Variants in RGS19 observed in about 807,000 individuals in gnomAD.
RGS19 encodes regulator of G protein signaling 19, also known as G alpha interacting protein.
Under a neutral mutation model 22.0 loss-of-function variants are expected in RGS19, and 9 were observed. The observed-to-expected ratio is 0.41, with a 90% CI of 0.25 to 0.71. The LOEUF is 0.71. Among genes scored for constraint, RGS19 ranks in the 30% least tolerant of loss-of-function variants. The probability of loss-of-function intolerance (pLI) is 0.32; values close to 1 mark genes in which losing one functional copy is unlikely to be tolerated. For synonymous variants in RGS19, 130 were observed against 127.3 expected (o/e 1.02, Z -0.14); for missense variants, 256 against 307.1 (o/e 0.83, Z 1.24).
chr20:64,074,448 A>G lies in RGS19; in HGVS notation c.227+19T>C. ...TCTGGGGCCCCCCCAGCACGCACAC[A>G]CCAGCCGGCTGGACTCACCATACTT... is the stretch of plus-strand genomic sequence containing the variant. On this transcript the variant is annotated intron_variant, in intron 4 of 5. Transcript: ENST00000395042. 6.3e-7 allele frequency: 1 copy of G among 1,579,654 alleles called. No homozygotes were observed. The highest frequency in any genetic ancestry group is 1.7e-4 in the Middle Eastern group (1 of 6,014).
Position 64,076,570 on chromosome 20 carries a change from C to T in RGS19, c.107G>A (p.Arg36His), listed in dbSNP as rs748194478. The T allele has an allele frequency of 1.2e-5, 20 of 1,612,642 alleles. No individual in the cohort carries two copies. Among genetic ancestry groups the T allele is most frequent in the Non-Finnish European group, 1.6e-5 (19 of 1,179,816 alleles). Residue 36 changes from arginine to histidine, a missense_variant, in exon 3 of 6, where the codon CGC (arginine) becomes CAC (histidine). Arg to His is a conservative substitution (Grantham distance 29, BLOSUM62 0). Transcript: ENST00000395042. ...HDTASPAAPS[R>H]NPCCLCWCCC... is the part of the protein sequence containing the mutation. ...GCACCAGCACAGGCAGCAGGGGTTGCGGCTGGGGGCCGCTGGAGAGGCTGT... is the reference window on the plus strand; with the variant it reads ...GCACCAGCACAGGCAGCAGGGGTTGTGGCTGGGGGCCGCTGGAGAGGCTGT...
In RGS19 at chr20:64,074,213, G is replaced by C; in HGVS notation, c.393C>G (p.Asn131Lys). Residue 131 changes from asparagine (N) to lysine (K), a missense_variant, in exon 5 of 6, where the codon AAC becomes AAG. By Grantham distance (94) the Asn-to-Lys change is moderately conservative (BLOSUM62 0). Coordinates refer to ENST00000395042, the MANE Select transcript of RGS19 (RefSeq NM_005873.3). Reference sequence around the variant, plus strand: ...TCGCCTTCTCGTCTACCACATGCTGGTTGGCCTCGGCCTTCAGCTCCTCGC... The same window carrying C: ...TCGCCTTCTCGTCTACCACATGCTGCTTGGCCTCGGCCTTCAGCTCCTCGC... Reference protein sequence around the residue: ...LACEELKAEANQHVVDEKARL... With the variant: ...LACEELKAEAKQHVVDEKARL... The C allele has an allele frequency of 1.2e-6, 2 of 1,614,048 alleles. No individual in the cohort carries two copies. The highest frequency in any genetic ancestry group is 1.7e-6 in the Non-Finnish European group (2 of 1,180,012).
Position 64,074,431 on chromosome 20 carries a change from C to A in RGS19, c.227+36G>T, listed in dbSNP as rs111664249. 8 of 1,573,314 alleles carry A rather than the reference C, an allele frequency of 5.1e-6. No homozygotes were observed. In the African/African-American group the frequency reaches 9.4e-5, roughly 19 times the overall value. On this transcript the variant is annotated intron_variant, in intron 4 of 5. Coordinates refer to ENST00000395042, the MANE Select transcript of RGS19 (RefSeq NM_005873.3). ...AGGCCCGAGTCTCCCGGTCTGGGGC[C>A]CCCCCAGCACGCACACACCAGCCGG...
intron 3 of RGS19, among the ~76,000 whole-genome samples, chr20:64,076,222 T>C (rs975588637): frequency 6.6e-6 from 1 of 152,244 alleles, no homozygotes; most frequent in Admixed American, 6.5e-5. Context: ...GGGCCTAGCC[T>C]GGGCTGGCTC....
Position 64,076,667 on chromosome 20 carries a change from C to T in RGS19, c.31-21G>A, listed in dbSNP as rs1467133156. On this transcript the variant is annotated intron_variant, in intron 2 of 5. Coordinates refer to ENST00000395042, the MANE Select transcript of RGS19 (RefSeq NM_005873.3). Reference sequence around the variant, plus strand: ...GTGATCTGGGGAAAAGTGGGGCTACCTCAGCTTTCAGGTCAGAACCCACCA... The same window carrying T: ...GTGATCTGGGGAAAAGTGGGGCTACTTCAGCTTTCAGGTCAGAACCCACCA... 3 of 1,588,936 alleles carry T rather than the reference C, an allele frequency of 1.9e-6. No homozygotes were observed. The South Asian group carries it at 3.4e-5, about 18-fold the overall frequency.
intron 1 of RGS19, among the ~76,000 whole-genome samples, chr20:64,078,747 C>G (rs1053613798): frequency 1.4e-4 from 21 of 152,298 alleles, no homozygotes; most frequent in African/African-American, 4.8e-4. Flanking sequence ...CCCCCCGTCT[C>G]TCCTGGGGGA....
rs377115039 is a variant in RGS19 at position 64,076,571 on chromosome 20, G to C, written c.106C>G (p.Arg36Gly). ...HDTASPAAPS[R>G]NPCCLCWCCC... ...CACCAGCACAGGCAGCAGGGGTTGC[G>C]GCTGGGGGCCGCTGGAGAGGCTGTA... is the stretch of plus-strand genomic sequence containing the variant. The change falls in exon 3 of 6, where the codon CGC (arginine) becomes GGC (glycine). Residue 36 changes from arginine (R) to glycine (G), a missense_variant. Arg to Gly is a moderately radical substitution (Grantham distance 125). Coordinates refer to ENST00000395042, the MANE Select transcript of RGS19 (RefSeq NM_005873.3). 16 of 1,612,710 alleles carry C rather than the reference G, an allele frequency of 9.9e-6. No individual in the cohort carries two copies. The highest frequency in any genetic ancestry group is 1.3e-5 in the African/African-American group (1 of 74,946).
intron 1 of RGS19, among the ~76,000 whole-genome samples, chr20:64,077,921 G>A (rs12625329): frequency 0.44 from 66,999 of 152,056 alleles, 15,270 homozygotes; most frequent in East Asian, 0.67. Context: ...GAACACCTGC[G>A]CCCACTTCTG....
chr20:64,076,901 G>A lies in RGS19; in HGVS notation c.-15C>T. ...GGGGTGGGCATGGGTGGGCGGAGGA[G>A]GTTGCCCAGGCTCCGTGGTACCAGC... On this transcript the variant is annotated 5_prime_UTR_variant, in exon 2 of 6. Transcript: ENST00000395042. 1.3e-6 allele frequency: 2 copies of A among 1,519,268 alleles called. No homozygotes were observed. The highest frequency in any genetic ancestry group is 1.8e-6 in the Non-Finnish European group (2 of 1,138,890). The allele number at this position is 1,519,268 out of a possible 1,614,324, so 94.1% of individuals were successfully genotyped here. A position where few individuals can be genotyped will look rare whatever the true frequency, so the allele number is the denominator to read the frequency against.
Position 64,074,464 on chromosome 20 carries a change from C to T in RGS19, c.227+3G>A. On this transcript the variant is annotated splice_donor_region_variant and intron_variant, in intron 4 of 5. Transcript: ENST00000395042. ...CACGCACACACCAGCCGGCTGGACT[C>T]ACCATACTTCACAGCTGGGGAGGGG... 2.5e-6 allele frequency: 4 copies of T among 1,584,872 alleles called. No individual in the cohort carries two copies. Among genetic ancestry groups the T allele is most frequent in the South Asian group, 2.3e-5 (2 of 87,554 alleles).
Position 64,076,877 on chromosome 20 carries a change from G to T in RGS19, c.10C>A (p.Pro4Thr), listed in dbSNP as rs2145544160. The change falls in exon 2 of 6, where the codon CCG becomes ACG. Residue 4 changes from proline to threonine, a missense_variant. Transcript: ENST00000395042. Reference protein sequence around the residue: MPTPHEAEKQITGP... With the variant: MPTTHEAEKQITGP... ...CATACCTGCTTCTCAGCCTCATGCG[G>T]GGTGGGCATGGGTGGGCGGAGGAGG... 2 of 1,537,554 alleles carry T rather than the reference G, an allele frequency of 1.3e-6. No individual in the cohort carries two copies. Among genetic ancestry groups the T allele is most frequent in the South Asian group, 1.3e-5 (1 of 79,908 alleles).
chr20:64,078,464 C>G (rs1307743272), intron 1 of RGS19, among the ~76,000 whole-genome samples: 3 of 152,216 alleles, frequency 2.0e-5, no homozygotes, highest in Non-Finnish European at 4.4e-5. Flanking sequence ...GCAGTTCTTC[C>G]TCCTCTCTGT....
rs62218096 is a variant in RGS19, at chr20:64,075,904, G to T, written c.152+621C>A. Among the ~76,000 whole-genome samples the T allele has an allele frequency of 6.7e-6, 1 of 149,658 alleles. No individual in the cohort carries two copies. Among genetic ancestry groups the T allele is most frequent in the Non-Finnish European group, 1.5e-5 (1 of 67,478 alleles). On this transcript the variant is annotated intron_variant, in intron 3 of 5. Transcript: ENST00000395042. This position sits in a 1 kb window ranked among gnomAD's most constrained non-coding sequence, Gnocchi z 4.6. ...TTCTTTCTTTTTTTTTTTTTGAGAC[G>T]GAGTTTTGCTCTTGTTGCCCAGGCT...
intron 1 of RGS19, among the ~76,000 whole-genome samples, chr20:64,077,214 G>A (rs1275454968): frequency 2.0e-5 from 3 of 152,240 alleles, no homozygotes; most frequent in Non-Finnish European, 2.9e-5. Context: ...TGGAGGTTCC[G>A]AGACACCCCC....
intron 1 of RGS19, among the ~76,000 whole-genome samples, chr20:64,078,730 C>G (rs949333878): frequency 6.6e-6 from 1 of 152,174 alleles, no homozygotes; most frequent in Non-Finnish European, 1.5e-5. Context: ...TGTCCCCAGG[C>G]TACCCTCCCC....
intron 5 of RGS19, 31 bp downstream of exon 5, chr20:64,074,113 G>A (rs1379372830): frequency 7.5e-6 from 12 of 1,603,882 alleles, no homozygotes; most frequent in South Asian, 1.1e-5. Flanking sequence ...TGGAGCAGGC[G>A]GCCCCCGGCC....
In RGS19 at chr20:64,075,109, CCTGGGAACAGGGCCACCCATGGGAAT is replaced by C. The variant is rs2059894869; in HGVS notation, c.153-594_153-569del. Among the ~76,000 whole-genome samples the C allele has an allele frequency of 6.6e-6, 1 of 151,590 alleles. No individual in the cohort carries two copies. Among genetic ancestry groups the C allele is most frequent in the Non-Finnish European group, 1.5e-5 (1 of 67,918 alleles). ...GAACAGGGCCACCCATGGGAATGTG[CCTGGGAACAGGGCCACCCATGGGAAT>C]GTGCCTGGGAACAGGGCCACCCATG... On this transcript the variant is annotated intron_variant, in intron 3 of 5. Coordinates refer to ENST00000395042, the MANE Select transcript of RGS19 (RefSeq NM_005873.3). The surrounding 1 kb of genome is among the most constrained non-coding windows in gnomAD (Gnocchi z 4.6).
In RGS19 at chr20:64,075,181, G is replaced by A. The variant is rs1051844541; in HGVS notation, c.153-640C>T. 2.8e-5 allele frequency among the ~76,000 whole-genome samples: 4 copies of A among 144,754 alleles called. No individual in the cohort carries two copies. The highest frequency in any genetic ancestry group is 1.0e-4 in the African/African-American group (4 of 39,386). The allele number at this position is 144,754 out of a possible 152,430, so 95.0% of individuals were successfully genotyped here. The stretch of plus-strand genomic sequence containing the variant: ...CCATGGGAATGTGCCTGGGAACAGG[G>A]CCACCCTGCTCCTGGGCCTGATCTT... On this transcript the variant is annotated intron_variant, in intron 3 of 5. Transcript: ENST00000395042. This position sits in a 1 kb window ranked among gnomAD's most constrained non-coding sequence, Gnocchi z 4.6.
rs2059936874 is a variant in RGS19, at chr20:64,079,161, G to A, written c.-69+133C>T. 6.6e-6 allele frequency: 1 copy of A among 152,090 alleles called. No individual in the cohort carries two copies. Among genetic ancestry groups the A allele is most frequent in the African/African-American group, 2.4e-5 (1 of 41,394 alleles). 9.4% of individuals were successfully genotyped at this position (152,090 alleles called of 1,614,324 possible). A position where few individuals can be genotyped will look rare whatever the true frequency, so the allele number is the denominator to read the frequency against. ...GCCAGCTCTCCCCACCTCTGAAATG[G>A]TGGTGGTGGCCCACCCACCACGCTC... is the stretch of plus-strand genomic sequence containing the variant. On this transcript the variant is annotated intron_variant, in intron 1 of 5. Transcript: ENST00000395042. The surrounding 1 kb of genome is among the most constrained non-coding windows in gnomAD (Gnocchi z 5.1).
Sources: gnomAD v4.1 joint callset for allele counts (sites outside exome capture counted in the v4.1 genomes callset) on GRCh38, gnomAD v4.1.1 for gene constraint, Gnocchi (gnomAD v3.1) non-coding constraint, MANE v1.5 for transcripts, NCBI Gene and HGNC (gene_info 2026-07-23, HGNC 2026-07-21) for gene names.